Variants in DMGDH observed in about 807,000 individuals in gnomAD.
DMGDH encodes dimethylglycine dehydrogenase, mitochondrial.
A neutral mutation model predicts 95.2 loss-of-function variants in DMGDH; 76 were observed. The ratio of observed to expected loss-of-function variants is 0.80; its 90% CI spans 0.66 to 0.97. The LOEUF (loss-of-function observed/expected upper bound fraction) is 0.97. Among genes scored for constraint, DMGDH ranks in the 50% least tolerant of loss-of-function variants. The pLI is 0.00. For synonymous variants in DMGDH, 345 were observed against 377.6 expected (o/e 0.91, Z 1.00); for missense variants, 987 against 1,055.0 (o/e 0.94, Z 0.89).
chr5:79,055,875 T>C lies in DMGDH; in HGVS notation c.310A>G (p.Asn104Asp). The change falls in exon 3 of 16, where the codon AAC (asparagine) becomes GAC (aspartate). Residue 104 changes from asparagine to aspartate, a missense_variant. By Grantham distance (23) the Asn-to-Asp change is conservative (BLOSUM62 1). Transcript: ENST00000255189. Reference protein sequence around the residue: ...GLTTYFHPGINLKKIHYDSIK... With the variant: ...GLTTYFHPGIDLKKIHYDSIK... Reference sequence around the variant, plus strand: ...CTATCATAATGTATTTTCTTCAAGTTTATTCCAGGATGAAAGTAAGTTGTT... The same window carrying C: ...CTATCATAATGTATTTTCTTCAAGTCTATTCCAGGATGAAAGTAAGTTGTT... 6.2e-7 allele frequency: 1 copy of C among 1,612,476 alleles called. No individual in the cohort carries two copies. The highest frequency in any genetic ancestry group is 1.3e-5 in the African/African-American group (1 of 75,024).
rs1432459817 is a variant in DMGDH at position 79,023,275 on chromosome 5, G to A, written c.2250+996C>T. 2.0e-5 allele frequency among the ~76,000 whole-genome samples: 3 copies of A among 152,114 alleles called. No homozygotes were observed. The East Asian group carries it at 5.8e-4, about 29-fold the overall frequency. ...TAGGGCAGGACATTTTATTTTTGGAGTTCTAACAAATATCCTAAACAGTAG... is the reference window on the plus strand; with the variant it reads ...TAGGGCAGGACATTTTATTTTTGGAATTCTAACAAATATCCTAAACAGTAG... On this transcript the variant is annotated intron_variant, in intron 14 of 15. Transcript: ENST00000255189.
intron 2 of DMGDH, among the ~76,000 whole-genome samples, chr5:79,059,534 T>C (rs1455637866): frequency 6.6e-6 from 1 of 152,218 alleles, no homozygotes; most frequent in Non-Finnish European, 1.5e-5. Context: ...TTTAAGTAAA[T>C]GGGAACAAAT....
intron 15 of DMGDH, chr5:79,000,214 T>C (rs1474306108): frequency 6.5e-6 from 4 of 616,700 alleles, no homozygotes; most frequent in Non-Finnish European, 1.3e-5. Flanking sequence ...AGTGATCTGG[T>C]CCTACAGAAT....
intron 1 of DMGDH, among the ~76,000 whole-genome samples, chr5:79,064,291 T>C (rs949996441): frequency 6.6e-6 from 1 of 151,590 alleles, no homozygotes; most frequent in African/African-American, 2.4e-5. Flanking sequence ...AGGTTGAAGC[T>C]GCAGTGAACC....
In DMGDH at chr5:79,033,090, T is replaced by C. The variant is rs890355266; in HGVS notation, c.1363+149A>G. ...CGTGTTAAATATATACATCCATATA[T>C]ATTCCTTGTTATGTCTCAGGGGCAC... On this transcript the variant is annotated intron_variant, in intron 8 of 15. Coordinates refer to ENST00000255189, the MANE Select transcript of DMGDH (RefSeq NM_013391.3). The C allele has an allele frequency of 7.9e-6, 8 of 1,008,552 alleles. No homozygotes were observed. The African/African-American group carries it at 1.3e-4, about 16-fold the overall frequency. The allele number at this position is 1,008,552 out of a possible 1,614,324, so 62.5% of individuals were successfully genotyped here. A position where few individuals can be genotyped will look rare whatever the true frequency, so the allele number is the denominator to read the frequency against.
chr5:79,066,830 T>G (rs1755396956), intron 1 of DMGDH, among the ~76,000 whole-genome samples: 1 of 152,158 alleles, frequency 6.6e-6, no homozygotes, highest in South Asian at 2.1e-4. Flanking sequence ...AAGCTACCAT[T>G]TTTTCCTTTG....
Position 79,039,456 on chromosome 5 carries a change from G to A in DMGDH, c.1193+2827C>T, listed in dbSNP as rs531883730. Among the ~76,000 whole-genome samples, 549 of 151,898 alleles carry A rather than the reference G, an allele frequency of 3.6e-3. 2 individuals carry two copies. The highest frequency in any genetic ancestry group is 5.7e-3 in the Non-Finnish European group (386 of 67,986). On this transcript the variant is annotated intron_variant, in intron 7 of 15. Coordinates refer to ENST00000255189, the MANE Select transcript of DMGDH (RefSeq NM_013391.3). ...ATCATTCTCAGTAAACTATCGCAAC[G>A]ACAAAAAACCAAACACCACATATTC...
intron 13 of DMGDH, among the ~76,000 whole-genome samples, chr5:79,024,994 T>A (rs1364144534): frequency 1.3e-5 from 2 of 152,264 alleles, no homozygotes; most frequent in African/African-American, 4.8e-5. Flanking sequence ...AGCACCTGCA[T>A]AAACTAAATG....
intron 7 of DMGDH, among the ~76,000 whole-genome samples, chr5:79,036,123 G>C (rs530775580): frequency 6.6e-6 from 1 of 152,194 alleles, no homozygotes; most frequent in Non-Finnish European, 1.5e-5. Context: ...TATGGTGCTG[G>C]TGGAGAATTA....
At position 79,033,247 on chromosome 5, in the gene DMGDH, T is replaced by C. The variant is rs1754243755; in HGVS notation, c.1355A>G (p.Asn452Ser). 4 of 1,614,064 alleles carry C rather than the reference T, an allele frequency of 2.5e-6. No individual in the cohort carries two copies. Among genetic ancestry groups the C allele is most frequent in the Middle Eastern group, 1.6e-4 (1 of 6,084 alleles). ...EAKARESYGFNNIVGYPKEER... is the reference protein window; with the variant it reads ...EAKARESYGFSNIVGYPKEER... ...GTACATTTGTACCTTACCAATATTG[T>C]TGAATCCATATGATTCTCTTGCTTT... The change falls in exon 8 of 16, where the codon AAC becomes AGC. Residue 452 changes from asparagine (N) to serine (S), a missense_variant. By Grantham distance (46) the Asn-to-Ser change is conservative. Transcript: ENST00000255189.
chr5:79,030,158 C>T (rs1010846809), intron 10 of DMGDH, 124 bp from the exon 11 acceptor site: 1 of 810,620 alleles, frequency 1.2e-6, no homozygotes, highest in Non-Finnish European at 1.9e-6. Context: ...CTGTTTGTGT[C>T]AATCGTATGA....
Position 79,024,466 on chromosome 5 carries a change from C to T in DMGDH, c.2191-136G>A, listed in dbSNP as rs113584300. ...ATTCTAAAGAAAGGCAAACTATAGACCGGTTTTGAAAACAATTTTTTAATC... is the reference window on the plus strand; with the variant it reads ...ATTCTAAAGAAAGGCAAACTATAGATCGGTTTTGAAAACAATTTTTTAATC... On this transcript the variant is annotated intron_variant, in intron 13 of 15. Coordinates refer to ENST00000255189, the MANE Select transcript of DMGDH (RefSeq NM_013391.3). 123 of 827,044 alleles carry T rather than the reference C, an allele frequency of 1.5e-4. 1 individual carries two copies. In the African/African-American group the frequency reaches 1.7e-3, roughly 12 times the overall value. The allele number at this position is 827,044 out of a possible 1,614,324, so 51.2% of individuals were successfully genotyped here.
At chr5:79,005,942 A>C (rs945226615) in intron 14 of DMGDH, among the ~76,000 whole-genome samples, 5 of 152,156 alleles carry the variant, frequency 3.3e-5, no homozygotes, top group African/African-American at 1.2e-4. Flanking sequence ...CCATTTATTG[A>C]GCCCCTACTA....
chr5:79,001,105 C>T (rs1054520542), intron 15 of DMGDH: 31 of 617,506 alleles, frequency 5.0e-5, no homozygotes, highest in Non-Finnish European at 7.7e-5. Flanking sequence ...TTACTCCCTG[C>T]GTCCCCCTCA....
At chr5:79,005,511 C>G in intron 14 of DMGDH, 104 bp from the exon 15 acceptor site, 1 of 1,465,266 alleles carries the variant, frequency 6.8e-7, no homozygotes, top group African/African-American at 1.4e-5. Flanking sequence ...TCACCAATTA[C>G]ACATTAAATA....
chr5:79,029,623 T>G (rs1754097278), intron 11 of DMGDH, among the ~76,000 whole-genome samples: 1 of 152,178 alleles, frequency 6.6e-6, no homozygotes, highest in Non-Finnish European at 1.5e-5. Flanking sequence ...TTAAGAGAAT[T>G]CATTAAGGTA....
intron 5 of DMGDH, among the ~76,000 whole-genome samples, chr5:79,048,956 A>C (rs1754757925): frequency 6.6e-6 from 1 of 152,198 alleles, no homozygotes; most frequent in Admixed American, 6.5e-5. Context: ...CAGCAAAGAA[A>C]TGCCTGGAGT....
Position 79,026,562 on chromosome 5 carries a change from C to A in DMGDH, c.2052G>T (p.Leu684=). 10 of 1,614,144 alleles carry A rather than the reference C, an allele frequency of 6.2e-6. No individual in the cohort carries two copies. The highest frequency in any genetic ancestry group is 8.5e-6 in the Non-Finnish European group (10 of 1,180,024). The change falls in exon 13 of 16, where the codon CTG becomes CTT. Residue 684 remains leucine, a synonymous_variant. Transcript: ENST00000255189. ...ISYTGELGWE[L]YHRREDSVAL... ...CCACAGAATCTTCTCTTCTGTGATA[C>A]AGCTCCCAACCCAGCTCACCTGAAA...
chr5:79,025,206 A>C (rs1231324379), intron 13 of DMGDH, among the ~76,000 whole-genome samples: 3 of 152,214 alleles, frequency 2.0e-5, no homozygotes, highest in Non-Finnish European at 1.5e-5. Flanking sequence ...GAGAAGGAGA[A>C]AAGCTCTCCA....
Sources: allele counts gnomAD v4.1 joint callset (sites outside exome capture counted in the v4.1 genomes callset), GRCh38; gene constraint gnomAD v4.1.1; transcripts MANE v1.5; gene names NCBI Gene and HGNC (gene_info 2026-07-23, HGNC 2026-07-21).